Variants in FAT2 observed in about 807,000 individuals in gnomAD.
The protein encoded by FAT2 is FAT atypical cadherin 2.
A neutral mutation model predicts 295.3 loss-of-function variants in FAT2; 150 were observed. That is an observed-to-expected ratio of 0.51 (90% CI 0.44 to 0.58). FAT2 has a LOEUF of 0.58. Ranked by LOEUF, FAT2 falls within the 20% of genes least tolerant of loss-of-function variation. FAT2 has a pLI of 0.00. For synonymous variants in FAT2, 2,026 were observed against 2,150.3 expected, an observed-to-expected ratio of 0.94 and a Z score of 1.60; for missense variants, 4,868 against 5,442.7, an observed-to-expected ratio of 0.89 and a Z score of 3.32.
chr5:151,585,657 A>T (rs1759140326), intron 1 of FAT2, among the ~76,000 whole-genome samples: 1 of 152,134 alleles, frequency 6.6e-6, no homozygotes, highest in South Asian at 2.1e-4. Flanking sequence ...CAATTTATGC[A>T]CTCTGTTTTT....
chr5:151,531,836 G>A lies in FAT2; in HGVS notation c.9562C>T (p.Arg3188Cys), dbSNP rs1459272162. ...ATTGGGGTGCCCAGGTCAGAGGCAC[G>A]GACCGTGAGCTCCAGTGGTGCCTGG... ...RPQAPLELTVRASDLGTPIPL... is the reference protein window; with the variant it reads ...RPQAPLELTVCASDLGTPIPL... The change falls in exon 14 of 24, where the codon CGT (arginine) becomes TGT (cysteine). Residue 3188 changes from arginine (R) to cysteine (C), a missense_variant. This residue lies in a region of FAT2 where 1,046 missense variants were observed against 1,210.1 expected (regional missense o/e 0.86). Transcript: ENST00000261800. The surrounding 1 kb of genome is among the most constrained non-coding windows in gnomAD (Gnocchi z 5.7). The A allele has an allele frequency of 4.3e-6, 7 of 1,613,972 alleles. No homozygotes were observed. The highest frequency in any genetic ancestry group is 5.1e-6 in the Non-Finnish European group (6 of 1,180,022).
In FAT2 at chr5:151,510,081, G is replaced by C; in HGVS notation, c.11999C>G (p.Thr4000Ser). ...CTFAPCLEGGTCILSPKGASC... is the reference protein window; with the variant it reads ...CTFAPCLEGGSCILSPKGASC... ...AGCTCCTTTGGGGGAGAGGATGCAA[G>C]TTCCACCTTCCAGGCAGGGTGCAAA... is the stretch of plus-strand genomic sequence containing the variant. Residue 4000 changes from threonine to serine, a missense_variant, in exon 22 of 24, where the codon ACT (threonine) becomes AGT (serine). Physicochemically the swap from Thr to Ser is moderately conservative, Grantham distance 58 (BLOSUM62 1). Coordinates refer to ENST00000261800, the MANE Select transcript of FAT2 (RefSeq NM_001447.3). 1.2e-6 allele frequency: 2 copies of C among 1,614,194 alleles called. No homozygotes were observed. Among genetic ancestry groups the C allele is most frequent in the Non-Finnish European group, 1.7e-6 (2 of 1,180,032 alleles).
At position 151,545,775 on chromosome 5, in the gene FAT2, G is replaced by A. The variant is rs779279856; in HGVS notation, c.5352C>T (p.Pro1784=). The A allele has an allele frequency of 3.1e-6, 5 of 1,614,016 alleles. No homozygotes were observed. The highest frequency in any genetic ancestry group is 4.2e-6 in the Non-Finnish European group (5 of 1,180,036). ...YSMIMDKNNN[P]FVIHASDSDK... is the part of the protein sequence containing the mutation. Reference sequence around the variant, plus strand: ...CACTGTCAGAGGCATGAATCACAAAGGGGTTGTTGTTTTTATCCATGATCA... The same window carrying A: ...CACTGTCAGAGGCATGAATCACAAAAGGGTTGTTGTTTTTATCCATGATCA... Residue 1784 remains proline (P), a synonymous_variant, in exon 10 of 24, where the codon CCC becomes CCT. Coordinates refer to ENST00000261800, the MANE Select transcript of FAT2 (RefSeq NM_001447.3).
chr5:151,505,643 C>T lies in FAT2; in HGVS notation c.12972G>A (p.Gln4324=), dbSNP rs778884067. The T allele has an allele frequency of 4.3e-6, 7 of 1,614,174 alleles. No individual in the cohort carries two copies. Among genetic ancestry groups the T allele is most frequent in the Non-Finnish European group, 5.1e-6 (6 of 1,180,028 alleles). The part of the protein sequence containing the change: ...VEGAPLAGQG[Q]PRVPPNYEGS... ...CCTCATAGTTGGGGGGCACCCGGGGCTGGCCCTGGCCTGCAAGAGGTGCCC... is the reference window on the plus strand; with the variant it reads ...CCTCATAGTTGGGGGGCACCCGGGGTTGGCCCTGGCCTGCAAGAGGTGCCC... The change falls in exon 24 of 24, where the codon CAG becomes CAA. Residue 4324 remains glutamine, a synonymous_variant. Coordinates refer to ENST00000261800, the MANE Select transcript of FAT2 (RefSeq NM_001447.3).
chr5:151,563,598 A>G lies in FAT2; in HGVS notation c.3301T>C (p.Ser1101Pro), dbSNP rs1174105451. The G allele has an allele frequency of 1.2e-6, 2 of 1,614,046 alleles. No homozygotes were observed. Among genetic ancestry groups the G allele is most frequent in the African/African-American group, 2.7e-5 (2 of 74,924 alleles). Residue 1101 changes from serine (S) to proline (P), a missense_variant, in exon 3 of 24, where the codon TCT becomes CCT. Coordinates refer to ENST00000261800, the MANE Select transcript of FAT2 (RefSeq NM_001447.3). ...TLAPLDREFASYYWLTVLAVD... is the reference protein window; with the variant it reads ...TLAPLDREFAPYYWLTVLAVD... ...GCTAATACCGTCAACCAGTAGTAAG[A>G]TGCAAATTCTCGGTCCAGGGGTGCC...
At chr5:151,515,081 C>T (rs1039562095) in intron 20 of FAT2, among the ~76,000 whole-genome samples, 4 of 152,156 alleles carry the variant, frequency 2.6e-5, no homozygotes, top group South Asian at 2.1e-4. Flanking sequence ...CCACCATACA[C>T]GGAAACCATT....
At chr5:151,546,436 A>G in intron 9 of FAT2, 99 bp from the exon 10 acceptor site, 1 of 840,942 alleles carries the variant, frequency 1.2e-6, no homozygotes, top group Non-Finnish European at 1.8e-6. Flanking sequence ...AAACCTGGAC[A>G]GAGCAAAATC....
intron 1 of FAT2, among the ~76,000 whole-genome samples, chr5:151,576,129 G>C (rs1758738440): frequency 6.6e-6 from 1 of 152,164 alleles, no homozygotes; most frequent in East Asian, 1.9e-4. Context: ...AATGAAAAGG[G>C]AGAATCTCTT....
chr5:151,583,856 G>A (rs1759059503), intron 1 of FAT2, among the ~76,000 whole-genome samples: 1 of 151,518 alleles, frequency 6.6e-6, no homozygotes, highest in African/African-American at 2.4e-5. Context: ...AAATTAGCTG[G>A]GTGCGATGAC....
chr5:151,541,268 G>A (rs1277073738), intron 10 of FAT2, among the ~76,000 whole-genome samples: 1 of 152,162 alleles, frequency 6.6e-6, no homozygotes, highest in Non-Finnish European at 1.5e-5. Flanking sequence ...AAGAATGTGG[G>A]AATATGGATT....
At chr5:151,588,689 T>C (rs1759279366) in intron 1 of FAT2, among the ~76,000 whole-genome samples, 1 of 152,148 alleles carries the variant, frequency 6.6e-6, no homozygotes, top group African/African-American at 2.4e-5. Flanking sequence ...GGAGAGCCAA[T>C]ATAAAATAAG....
chr5:151,509,822 C>T (rs1017364009), intron 22 of FAT2, 199 bp downstream of exon 22: 17 of 595,920 alleles, frequency 2.9e-5, no homozygotes, highest in East Asian at 7.9e-5. Flanking sequence ...CTGCCTGGTC[C>T]GTGGAAAAAG....
rs1474815534 is a variant in FAT2, at chr5:151,551,621, G to A, written c.4157-15C>T. 6.2e-6 allele frequency: 10 copies of A among 1,613,532 alleles called. No individual in the cohort carries two copies. The highest frequency in any genetic ancestry group is 7.6e-6 in the Non-Finnish European group (9 of 1,179,792). On this transcript the variant is annotated splice_polypyrimidine_tract_variant and intron_variant, in intron 6 of 23. Coordinates refer to ENST00000261800, the MANE Select transcript of FAT2 (RefSeq NM_001447.3). ...CTTATCCCCACCTAGAGTGGGAGTG[G>A]GGAGAAAGCACACACAACCTCAGTG...
rs760347996 is a variant in FAT2 at position 151,531,576 on chromosome 5, C to T, written c.9811+11G>A. ...CGCGATGCTTTGGGGCTTGGTGGAT[C>T]AGGCTCTCACCTGTGCGAGCATCCA... On this transcript the variant is annotated intron_variant, in intron 14 of 23. Transcript: ENST00000261800. The surrounding 1 kb of genome is among the most constrained non-coding windows in gnomAD (Gnocchi z 5.7). The T allele has an allele frequency of 6.2e-6, 10 of 1,611,588 alleles. No individual in the cohort carries two copies. The highest frequency in any genetic ancestry group is 7.6e-6 in the Non-Finnish European group (9 of 1,179,766).
intron 1 of FAT2, among the ~76,000 whole-genome samples, chr5:151,573,162 T>A (rs1758603595): frequency 6.6e-6 from 1 of 152,230 alleles, no homozygotes; most frequent in African/African-American, 2.4e-5. Flanking sequence ...ACACAGGCTC[T>A]GGCTGTGTGA....
intron 13 of FAT2, 134 bp downstream of exon 13, chr5:151,534,275 A>G: frequency 3.3e-6 from 2 of 606,932 alleles, no homozygotes; most frequent in Admixed American, 6.3e-5. Flanking sequence ...AATACTTTTT[A>G]CTTTTAAGTG....
At chr5:151,537,975 G>T in intron 11 of FAT2, 29 bp from the exon 12 acceptor site, 2 of 1,604,444 alleles carry the variant, frequency 1.2e-6, no homozygotes, top group South Asian at 1.1e-5. Flanking sequence ...AGAAGAGGGA[G>T]ACTGTGGGGA....
chr5:151,556,056 T>G (rs1266556811), intron 4 of FAT2, among the ~76,000 whole-genome samples: 2 of 152,184 alleles, frequency 1.3e-5, no homozygotes, highest in Non-Finnish European at 2.9e-5. Context: ...TGGACTGGAC[T>G]CGGTAAGTAC....
At position 151,566,220 on chromosome 5, in the gene FAT2, C is replaced by T. The variant is rs1340016866; in HGVS notation, c.2712G>A (p.Gln904=). The T allele has an allele frequency of 1.2e-6, 2 of 1,614,138 alleles. No homozygotes were observed. The highest frequency in any genetic ancestry group is 1.7e-6 in the Non-Finnish European group (2 of 1,180,028). Reference sequence around the variant, plus strand: ...TTATCAGGTCAGTGACAGAGAAGAGCTGGTGGCCTTTGCTGGGCTGATCCC... The same window carrying T: ...TTATCAGGTCAGTGACAGAGAAGAGTTGGTGGCCTTTGCTGGGCTGATCCC... The part of the protein sequence containing the change: ...EARDQPSKGH[Q]LFSVTDLIIT... Residue 904 remains glutamine, a synonymous_variant, in exon 2 of 24, where the codon CAG becomes CAA. Coordinates refer to ENST00000261800, the MANE Select transcript of FAT2 (RefSeq NM_001447.3).
Sources: gnomAD v4.1 joint callset for allele counts (sites outside exome capture counted in the v4.1 genomes callset) on GRCh38, gnomAD v4.1.1 for gene constraint, gnomAD v4.1.1 regional missense constraint, Gnocchi (gnomAD v3.1) non-coding constraint, MANE v1.5 for transcripts, NCBI Gene and HGNC (gene_info 2026-07-23, HGNC 2026-07-21) for gene names.